Variants in ATXN7L1 observed in about 807,000 individuals in gnomAD.
ATXN7L1 encodes the protein ataxin 7 like 1.
Under a neutral mutation model 70.8 loss-of-function variants are expected in ATXN7L1, and 15 were observed. That is an observed-to-expected ratio of 0.21 (90% CI 0.14 to 0.33). The LOEUF (loss-of-function observed/expected upper bound fraction) is 0.33, where lower values mean the gene tolerates loss of function less well. Among genes scored for constraint, ATXN7L1 ranks in the 10% least tolerant of loss-of-function variants. The pLI is 1.00. For missense variants in ATXN7L1, 975 were observed against 1,097.1 expected (o/e 0.89, Z 1.57); for synonymous variants, 440 against 445.1 (o/e 0.99, Z 0.14).
chr7:105,629,673 G>A (rs186057723), intron 7 of ATXN7L1, among the ~76,000 whole-genome samples: 140 of 144,864 alleles, frequency 9.7e-4, no homozygotes, highest in African/African-American at 3.5e-3. Context: ...CTGCCACCAC[G>A]CCCGGCTAAT....
intron 2 of ATXN7L1, among the ~76,000 whole-genome samples, chr7:105,838,383 T>C (rs1446074908): frequency 6.6e-6 from 1 of 152,198 alleles, no homozygotes; most frequent in Non-Finnish European, 1.5e-5. Context: ...AGGGAGATGG[T>C]TTAATGGAAA....
intron 2 of ATXN7L1, among the ~76,000 whole-genome samples, chr7:105,854,194 CA>C (rs759906080): frequency 6.6e-6 from 1 of 152,176 alleles, no homozygotes; most frequent in Non-Finnish European, 1.5e-5. Context: ...CTGGTCCTCT[CA>C]CTGTGCCAAG....
At chr7:105,610,435 G>A in intron 11 of ATXN7L1, 94 bp downstream of exon 11, 1 of 1,155,912 alleles carries the variant, frequency 8.7e-7, no homozygotes. Context: ...TGGAGATGAG[G>A]TTTGAATCAG....
At chr7:105,692,415 T>TTCCTTCCCTCCC (rs1563009788) in intron 3 of ATXN7L1, among the ~76,000 whole-genome samples, 7 of 134,764 alleles carry the variant, frequency 5.2e-5, no homozygotes, top group East Asian at 2.3e-4. Flanking sequence ...CCTTCCTTCC[T>TTCCTTCCCTCCC]TCCTTCCTTC....
chr7:105,646,265 A>G (rs1213853431), intron 4 of ATXN7L1, among the ~76,000 whole-genome samples: 1 of 152,148 alleles, frequency 6.6e-6, no homozygotes, highest in Non-Finnish European at 1.5e-5. Flanking sequence ...AGCTAGGATC[A>G]TGCTATTGCA....
chr7:105,742,792 C>T (rs1426603925), intron 3 of ATXN7L1, among the ~76,000 whole-genome samples: 2 of 152,038 alleles, frequency 1.3e-5, no homozygotes, highest in Admixed American at 6.5e-5. Flanking sequence ...TAATTTTAAA[C>T]ATAAGATGGC....
intron 2 of ATXN7L1, among the ~76,000 whole-genome samples, chr7:105,855,539 C>T (rs1041899356): frequency 1.1e-4 from 16 of 152,160 alleles, no homozygotes; most frequent in Non-Finnish European, 1.5e-5. Context: ...GGAGAGTTTA[C>T]ACCATGGAAA....
Position 105,614,758 on chromosome 7 carries a change from G to C in ATXN7L1, c.1576C>G (p.Pro526Ala), listed in dbSNP as rs896651515. ...GGCTGCAAAACGGATGCTGGAACGG[G>C]GGTGGTGATGTGGGCTGCTGGCGAG... ...LPSPAAHITT[P>A]VPASVLQPFS... Residue 526 changes from proline (P) to alanine (A), a missense_variant, in exon 10 of 12, where the codon CCC becomes GCC. Around this residue, in one of 5 missense-constraint regions of ATXN7L1, gnomAD observed 635 missense variants for 699.4 expected, o/e 0.91. Transcript: ENST00000419735. The surrounding 1 kb of genome is among the most constrained non-coding windows in gnomAD (Gnocchi z 4.3). The C allele has an allele frequency of 4.5e-6, 7 of 1,551,742 alleles. No homozygotes were observed. In the Middle Eastern group the frequency reaches 5.0e-4, roughly 111 times the overall value.
intron 2 of ATXN7L1, among the ~76,000 whole-genome samples, chr7:105,813,941 G>C (rs1369108915): frequency 1.3e-5 from 2 of 152,036 alleles, no homozygotes; most frequent in Non-Finnish European, 2.9e-5. Flanking sequence ...ACCAGTATGA[G>C]TCCCACCCTT....
At chr7:105,719,637 G>A (rs904870462) in intron 3 of ATXN7L1, among the ~76,000 whole-genome samples, 4 of 152,072 alleles carry the variant, frequency 2.6e-5, no homozygotes, top group Non-Finnish European at 5.9e-5. Flanking sequence ...TCAGAGAAGC[G>A]GACTAAGCCT....
chr7:105,620,099 G>T (rs546677835), intron 9 of ATXN7L1, 101 bp downstream of exon 9: 10 of 1,392,322 alleles, frequency 7.2e-6, no homozygotes, highest in African/African-American at 1.4e-5. Flanking sequence ...GAATCATTTT[G>T]TTCTATGAAA....
intron 11 of ATXN7L1, among the ~76,000 whole-genome samples, chr7:105,609,392 C>T (rs1454779753): frequency 6.6e-6 from 1 of 152,194 alleles, no homozygotes. Flanking sequence ...TAGTCTCAAA[C>T]TCCTGACCTC....
chr7:105,731,700 G>C (rs1012460051), intron 3 of ATXN7L1, among the ~76,000 whole-genome samples: 6 of 140,662 alleles, frequency 4.3e-5, no homozygotes, highest in African/African-American at 1.4e-4. Context: ...CTCCCAAAGT[G>C]CTGGGATTAT....
At chr7:105,627,104 C>CT (rs1795816301) in intron 7 of ATXN7L1, among the ~76,000 whole-genome samples, 1 of 152,210 alleles carries the variant, frequency 6.6e-6, no homozygotes, top group African/African-American at 2.4e-5. Context: ...AACAGGCTCT[C>CT]TCTCTATGAA....
chr7:105,643,303 C>T (rs1277731463), intron 4 of ATXN7L1, among the ~76,000 whole-genome samples, 182 bp from the exon 5 acceptor site: 1 of 152,098 alleles, frequency 6.6e-6, no homozygotes. Context: ...AAAGGATCAA[C>T]AGGGGGTGCG....
At chr7:105,678,166 G>T (rs1490631182) in intron 3 of ATXN7L1, 4 of 292,626 alleles carry the variant, frequency 1.4e-5, no homozygotes, top group African/African-American at 7.1e-5. Flanking sequence ...GAGTTATTTT[G>T]GTGAAAACAA....
chr7:105,650,745 A>T (rs1799715456), intron 4 of ATXN7L1, among the ~76,000 whole-genome samples: 4 of 152,236 alleles, frequency 2.6e-5, no homozygotes, highest in South Asian at 2.1e-4. Flanking sequence ...AGAGATGATT[A>T]GCTGCTGAGA....
At position 105,761,220 on chromosome 7, in the gene ATXN7L1, T is replaced by G. The variant is rs548720442; in HGVS notation, c.355+27384A>C. On this transcript the variant is annotated intron_variant, in intron 3 of 11. Coordinates refer to ENST00000419735, the MANE Select transcript of ATXN7L1 (RefSeq NM_020725.2). ...TGCTCAAGCCCATTTCCTTACTAGA[T>G]CCTGACACCAGAGTGTGCTCACGAA... The G allele has an allele frequency of 1.6e-4, 239 of 1,456,858 alleles. No individual in the cohort carries two copies. The African/African-American group carries it at 3.0e-3, about 19-fold the overall frequency. 90.2% of individuals were successfully genotyped at this position (1,456,858 alleles called of 1,614,324 possible). A position where few individuals can be genotyped will look rare whatever the true frequency, so the allele number is the denominator to read the frequency against.
At chr7:105,670,480 T>C (rs1584639998) in intron 3 of ATXN7L1, among the ~76,000 whole-genome samples, 1 of 152,228 alleles carries the variant, frequency 6.6e-6, no homozygotes, top group East Asian at 1.9e-4. Context: ...TTAATGCATA[T>C]AGCTTTATTA....
Sources: allele counts gnomAD v4.1 joint callset (sites outside exome capture counted in the v4.1 genomes callset), GRCh38; gene constraint gnomAD v4.1.1; regional missense constraint gnomAD v4.1.1; non-coding constraint Gnocchi (gnomAD v3.1); transcripts MANE v1.5; gene names NCBI Gene and HGNC (gene_info 2026-07-23, HGNC 2026-07-21).